The following RARB variants were observed in gnomAD, a reference collection of about 807,000 sequenced individuals.
RARB encodes the protein HBV-activated protein.
Under a neutral mutation model 51.9 loss-of-function variants are expected in RARB, and 17 were observed. The ratio of observed to expected loss-of-function variants is 0.33; its 90% CI spans 0.22 to 0.49. RARB has a LOEUF of 0.49. RARB is among the 20% of genes least tolerant of loss of function. RARB has a pLI of 0.99. For missense variants in RARB, 369 were observed against 550.8 expected, an observed-to-expected ratio of 0.67 and a Z score of 3.30; for synonymous variants, 215 against 195.4, an observed-to-expected ratio of 1.10 and a Z score of -0.84.
At position 25,109,094 on chromosome 3, in the gene RARB, C is replaced by T. The variant is rs141907667; in HGVS notation, c.-327-23067C>T. On this transcript the variant is annotated intron_variant, in intron 3 of 11. Coordinates refer to the RARB transcript ENST00000383772. ...TTAGGTAAAATGCAGATAACAATAGCTCTGAAGGTGTTACTGATGTAACAT... is the reference window on the plus strand; with the variant it reads ...TTAGGTAAAATGCAGATAACAATAGTTCTGAAGGTGTTACTGATGTAACAT... 3.3e-3 allele frequency among the ~76,000 whole-genome samples: 505 copies of T among 152,280 alleles called. 2 individuals are homozygous for T. The highest frequency in any genetic ancestry group is 0.012 in the African/African-American group (486 of 41,554).
At chr3:25,448,517 G>A (rs1316632443) in intron 1 of RARB, among the ~76,000 whole-genome samples, 1 of 152,138 alleles carries the variant, frequency 6.6e-6, no homozygotes, top group Non-Finnish European at 1.5e-5. Context: ...GCCCAGGCTG[G>A]AGTGCAGTGG....
At chr3:25,063,146 T>C (rs1162360444) in intron 3 of RARB, among the ~76,000 whole-genome samples, 1 of 151,974 alleles carries the variant, frequency 6.6e-6, no homozygotes, top group Non-Finnish European at 1.5e-5. Context: ...ACACCCCCTT[T>C]TGAATAGCCA....
At chr3:24,886,451 T>TC (rs1703267965) in intron 2 of RARB, among the ~76,000 whole-genome samples, 1 of 151,390 alleles carries the variant, frequency 6.6e-6, no homozygotes, top group Non-Finnish European at 1.5e-5. Flanking sequence ...AACAAACTTT[T>TC]TTTTTTTTTT....
At chr3:25,177,265 A>T (rs1408772962) in intron 5 of RARB, among the ~76,000 whole-genome samples, 1 of 152,226 alleles carries the variant, frequency 6.6e-6, no homozygotes, top group African/African-American at 2.4e-5. Context: ...GAAAAGGACA[A>T]AGACTTAAAA....
intron 2 of RARB, among the ~76,000 whole-genome samples, chr3:24,915,818 G>A (rs1695096123): frequency 6.6e-6 from 1 of 152,144 alleles, no homozygotes; most frequent in Non-Finnish European, 1.5e-5. Context: ...TGACCATTAA[G>A]CTGTGAATGA....
At chr3:24,873,459 A>G (rs575853042) in intron 2 of RARB, among the ~76,000 whole-genome samples, 1 of 152,014 alleles carries the variant, frequency 6.6e-6, no homozygotes, top group Non-Finnish European at 1.5e-5. Flanking sequence ...AAACATTAAT[A>G]TATTATTCCA....
At chr3:25,103,470 C>A (rs1699442016) in intron 3 of RARB, among the ~76,000 whole-genome samples, 1 of 152,100 alleles carries the variant, frequency 6.6e-6, no homozygotes, top group Admixed American at 6.6e-5. Flanking sequence ...AATCTTATTC[C>A]TTTGATGACT....
chr3:25,332,809 T>A (rs139840162), intron 5 of RARB, among the ~76,000 whole-genome samples: 59 of 152,224 alleles, frequency 3.9e-4, no homozygotes, highest in Admixed American at 9.2e-4. Context: ...CCTTAAGCTG[T>A]TAAGCAACTT....
chr3:25,373,363 A>C (rs1164883846), intron 5 of RARB, among the ~76,000 whole-genome samples: 1 of 152,156 alleles, frequency 6.6e-6, no homozygotes, highest in Non-Finnish European at 1.5e-5. Context: ...AAACCAACCC[A>C]GGAAATGAAG....
intron 5 of RARB, among the ~76,000 whole-genome samples, chr3:25,270,196 C>A (rs1046094441): frequency 2.6e-5 from 4 of 152,194 alleles, no homozygotes; most frequent in Non-Finnish European, 5.9e-5. Flanking sequence ...CACCAATGTT[C>A]ATAGCAACTT....
chr3:25,005,892 C>G (rs1697261831), intron 2 of RARB, among the ~76,000 whole-genome samples: 1 of 152,056 alleles, frequency 6.6e-6, no homozygotes, highest in Non-Finnish European at 1.5e-5. Context: ...CTAGGAGATC[C>G]TATATTATGC....
At chr3:25,518,379 A>G (rs904234155) in intron 3 of RARB, among the ~76,000 whole-genome samples, 1 of 152,146 alleles carries the variant, frequency 6.6e-6, no homozygotes, top group Non-Finnish European at 1.5e-5. Context: ...GATTTTCTAG[A>G]TACTGATGTT....
chr3:25,342,449 A>T (rs1705258267), intron 5 of RARB, among the ~76,000 whole-genome samples: 1 of 152,156 alleles, frequency 6.6e-6, no homozygotes, highest in Non-Finnish European at 1.5e-5. Flanking sequence ...TCACTTTCCC[A>T]TTCTCTCTTA....
intron 2 of RARB, among the ~76,000 whole-genome samples, chr3:25,488,089 G>A (rs569874959): frequency 1.3e-5 from 2 of 152,320 alleles, no homozygotes; most frequent in East Asian, 3.9e-4. Flanking sequence ...ATTCCCCAAA[G>A]TCTAGGGACT....
chr3:25,551,952 A>G (rs146753491), intron 3 of RARB, among the ~76,000 whole-genome samples: 146 of 152,326 alleles, frequency 9.6e-4, no homozygotes, highest in African/African-American at 3.4e-3. Flanking sequence ...TAGTTAGCTC[A>G]AGGCATTTTT....
At chr3:24,999,710 A>C (rs1413034862) in intron 2 of RARB, among the ~76,000 whole-genome samples, 1 of 152,166 alleles carries the variant, frequency 6.6e-6, no homozygotes, top group African/African-American at 2.4e-5. Context: ...GCTTCAGCAC[A>C]AAAGACTTAA....
intron 3 of RARB, among the ~76,000 whole-genome samples, chr3:25,541,284 C>G (rs993225532): frequency 6.6e-6 from 1 of 152,194 alleles, no homozygotes; most frequent in Non-Finnish European, 1.5e-5. Context: ...CTTTGGCTCT[C>G]TCCACCAATT....
At chr3:25,425,686 G>C (rs1013650403), upstream of RARB, among the ~76,000 whole-genome samples, 2 of 152,160 alleles carry the variant, frequency 1.3e-5, no homozygotes, top group Non-Finnish European at 2.9e-5. Flanking sequence ...ACCACACACA[G>C]AGAGAGACAC....
chr3:25,178,156 A>G (rs1700793063), intron 5 of RARB, among the ~76,000 whole-genome samples: 1 of 152,076 alleles, frequency 6.6e-6, no homozygotes, highest in Non-Finnish European at 1.5e-5. Context: ...TCTGTTCTCA[A>G]GAACTTTCTA....
Sources: gnomAD v4.1 joint callset for allele counts (sites outside exome capture counted in the v4.1 genomes callset) on GRCh38, gnomAD v4.1.1 for gene constraint, MANE v1.5 for transcripts, NCBI Gene and HGNC (gene_info 2026-07-23, HGNC 2026-07-21) for gene names.